Variants in GPATCH8 observed in about 807,000 individuals in gnomAD.
GPATCH8 encodes the protein G patch domain-containing protein 8.
GPATCH8 carries 18 observed loss-of-function variants against 118.3 expected under a neutral mutation model. The ratio of observed to expected loss-of-function variants is 0.15; its 90% CI spans 0.11 to 0.23. The LOEUF is 0.23. Ranked by LOEUF, GPATCH8 falls within the 10% of genes least tolerant of loss-of-function variation. GPATCH8 has a pLI of 1.00. For synonymous variants in GPATCH8, 659 were observed against 684.7 expected, an observed-to-expected ratio of 0.96 and a Z score of 0.59; for missense variants, 1,631 against 1,873.8, an observed-to-expected ratio of 0.87 and a Z score of 2.39.
At chr17:44,451,101 A>T (rs781050884) in intron 3 of GPATCH8, among the ~76,000 whole-genome samples, 2 of 152,142 alleles carry the variant, frequency 1.3e-5, no homozygotes, top group African/African-American at 4.8e-5. Flanking sequence ...GACTTAGTAC[A>T]GATCTGGCAC....
chr17:44,463,395 CTTTTCT>C (rs1319191714), intron 3 of GPATCH8, among the ~76,000 whole-genome samples: 1 of 152,138 alleles, frequency 6.6e-6, no homozygotes, highest in Non-Finnish European at 1.5e-5. Context: ...TAATTTTTTT[CTTTTCT>C]TTTGAGACGG....
intron 3 of GPATCH8, among the ~76,000 whole-genome samples, chr17:44,441,130 G>C (rs1334550173): frequency 6.6e-6 from 1 of 152,152 alleles, no homozygotes; most frequent in Non-Finnish European, 1.5e-5. Flanking sequence ...TTACAGGCGT[G>C]AGCCACTGCA....
chr17:44,414,815 T>C (rs1053139613), intron 6 of GPATCH8, among the ~76,000 whole-genome samples: 17 of 152,246 alleles, frequency 1.1e-4, no homozygotes, highest in Admixed American at 2.6e-4. Context: ...TTCTAGACTT[T>C]TTATATAAAT....
chr17:44,425,617 C>T (rs2050062875), intron 5 of GPATCH8, among the ~76,000 whole-genome samples: 1 of 152,162 alleles, frequency 6.6e-6, no homozygotes, highest in Admixed American at 6.6e-5. Flanking sequence ...CAGTCTTCAC[C>T]TCCTGGGCTC....
intron 3 of GPATCH8, among the ~76,000 whole-genome samples, chr17:44,448,776 T>TAA (rs538345312): frequency 1.0e-4 from 14 of 133,418 alleles, no homozygotes; most frequent in Non-Finnish European, 1.9e-4. Context: ...GCTAAGACTA[T>TAA]AAAAAAAAAA....
chr17:44,427,088 T>C (rs1382083813), intron 5 of GPATCH8, among the ~76,000 whole-genome samples: 3 of 152,024 alleles, frequency 2.0e-5, no homozygotes, highest in African/African-American at 7.2e-5. Flanking sequence ...ACTATTTTTT[T>C]TTTTTGAGAC....
chr17:44,478,072 C>T (rs1389362909), intron 1 of GPATCH8, among the ~76,000 whole-genome samples: 3 of 152,058 alleles, frequency 2.0e-5, no homozygotes, highest in Admixed American at 6.6e-5. Context: ...GTGATCTGCC[C>T]GCCTCAGCCT....
chr17:44,424,953 T>C (rs1298825343), intron 5 of GPATCH8, among the ~76,000 whole-genome samples: 2 of 152,168 alleles, frequency 1.3e-5, no homozygotes, highest in Admixed American at 1.3e-4. Flanking sequence ...CCCACAGATA[T>C]GTGTTATCTG....
chr17:44,495,527 T>A (rs1969600921), intron 1 of GPATCH8, among the ~76,000 whole-genome samples: 1 of 152,204 alleles, frequency 6.6e-6, no homozygotes. Context: ...AAATGAAAAC[T>A]CCTTGAAAAC....
chr17:44,454,378 C>T (rs779832435), intron 3 of GPATCH8, among the ~76,000 whole-genome samples: 8 of 152,180 alleles, frequency 5.3e-5, no homozygotes, highest in Non-Finnish European at 1.2e-4. Context: ...CTGCCTTAAA[C>T]TTTTGAGTAG....
In GPATCH8 at chr17:44,399,643, G is replaced by T; in HGVS notation, c.2434C>A (p.Gln812Lys). 1 of 1,614,206 alleles carries T rather than the reference G, an allele frequency of 6.2e-7. No individual in the cohort carries two copies. Among genetic ancestry groups the T allele is most frequent in the Non-Finnish European group, 8.5e-7 (1 of 1,180,020 alleles). ...KRSSRSSHRSQPSSGDEDSDD... is the reference protein window; with the variant it reads ...KRSSRSSHRSKPSSGDEDSDD... Reference sequence around the variant, plus strand: ...CTATCCTCATCTCCACTACTGGGTTGGCTCCGATGGCTAGACCGGCTGCTC... The same window carrying T: ...CTATCCTCATCTCCACTACTGGGTTTGCTCCGATGGCTAGACCGGCTGCTC... Residue 812 changes from glutamine to lysine, a missense_variant, in exon 8 of 8, where the codon CAA (glutamine) becomes AAA (lysine). By Grantham distance (53) the Gln-to-Lys change is moderately conservative. This residue lies in a region of GPATCH8 where 922 missense variants were observed against 879.7 expected (regional missense o/e 1.05). Transcript: ENST00000591680.
chr17:44,413,724 A>G (rs1217803588), intron 6 of GPATCH8, among the ~76,000 whole-genome samples: 1 of 152,050 alleles, frequency 6.6e-6, no homozygotes, highest in Non-Finnish European at 1.5e-5. Context: ...GGTTCCAGCA[A>G]TTCTCCTGCC....
intron 2 of GPATCH8, chr17:44,465,477 T>A: frequency 6.6e-6 from 1 of 152,206 alleles, no homozygotes; most frequent in Non-Finnish European, 1.5e-5. Flanking sequence ...CAGCCCTTTC[T>A]TTGTCCAATT....
intron 6 of GPATCH8, among the ~76,000 whole-genome samples, chr17:44,415,139 TTTTCCACTATC>T (rs1469377784): frequency 1.3e-5 from 2 of 152,216 alleles, no homozygotes; most frequent in African/African-American, 4.8e-5. Context: ...TGTCAAAAAC[TTTTCCACTATC>T]TTTTCACTAT....
In GPATCH8 at chr17:44,395,945, C is replaced by A. The variant is rs1461929918; in HGVS notation, c.*1623G>T. ...AAGGCAAGAAGAGGGGCAAAAGAGG[C>A]TGAGGTGGTAATTCCTCTTGTCAGT... On this transcript the variant is annotated 3_prime_UTR_variant, in exon 8 of 8. Transcript: ENST00000591680. 1.1e-5 allele frequency: 5 copies of A among 454,302 alleles called. No individual in the cohort carries two copies. The highest frequency in any genetic ancestry group is 7.8e-5 in the South Asian group (5 of 64,470). The allele number at this position is 454,302 out of a possible 1,614,324, so 28.1% of individuals were successfully genotyped here.
chr17:44,409,999 T>TTA (rs1222493147), intron 6 of GPATCH8, among the ~76,000 whole-genome samples: 2 of 152,206 alleles, frequency 1.3e-5, no homozygotes, highest in African/African-American at 2.4e-5. Flanking sequence ...ATTAGGGACA[T>TTA]ATTAAAGTTA....
At chr17:44,435,221 T>C in intron 4 of GPATCH8, 70 bp from the exon 5 acceptor site, 1 of 790,422 alleles carries the variant, frequency 1.3e-6, no homozygotes, top group South Asian at 1.4e-5. Context: ...AAAAAGTTAT[T>C]TGCACAACTA....
intron 3 of GPATCH8, among the ~76,000 whole-genome samples, chr17:44,455,100 T>A (rs532201261): frequency 1.5e-4 from 23 of 152,352 alleles, no homozygotes; most frequent in African/African-American, 5.5e-4. Flanking sequence ...ATTTTCAGTA[T>A]CAGCTTTTCC....
chr17:44,443,185 T>C (rs1490221492), intron 3 of GPATCH8, among the ~76,000 whole-genome samples: 1 of 152,186 alleles, frequency 6.6e-6, no homozygotes, highest in African/African-American at 2.4e-5. Flanking sequence ...CAAATACATA[T>C]GTGAAAATCA....
Sources: gnomAD v4.1 joint callset for allele counts (sites outside exome capture counted in the v4.1 genomes callset) on GRCh38, gnomAD v4.1.1 for gene constraint, gnomAD v4.1.1 regional missense constraint, MANE v1.5 for transcripts, NCBI Gene and HGNC (gene_info 2026-07-23, HGNC 2026-07-21) for gene names.